ZC3H12B: variants seen among roughly 807,000 people sequenced by gnomAD.
ZC3H12B encodes the protein zinc finger CCCH-type containing 12B.
In ZC3H12B, 7 loss-of-function variants were observed where a neutral mutation model predicts 43.9. The observed-to-expected ratio is 0.16, with a 90% CI of 0.09 to 0.30. The LOEUF (loss-of-function observed/expected upper bound fraction) is 0.30, where lower values mean the gene tolerates loss of function less well. ZC3H12B is among the 10% of genes least tolerant of loss of function. The probability of loss-of-function intolerance (pLI) is 1.00; values close to 1 mark genes in which losing one functional copy is unlikely to be tolerated. For missense variants in ZC3H12B, 475 were observed against 670.2 expected (o/e 0.71, Z 3.22); for synonymous variants, 222 against 241.7 (o/e 0.92, Z 0.76).
the ZC3H12B span, among the ~76,000 whole-genome samples, chrX:65,240,248 AT>A: frequency 9.0e-6 from 1 of 110,932 alleles, no homozygotes; most frequent in African/African-American, 3.3e-5. Flanking sequence ...ATAGTCCCAT[AT>A]TTTTTGGAGG....
At chrX:65,162,666 G>A in the ZC3H12B span, among the ~76,000 whole-genome samples, 4 of 111,253 alleles carry the variant, frequency 3.6e-5, no homozygotes, top group Non-Finnish European at 5.7e-5. Context: ...TTATACATTC[G>A]TCTAAATTTT....
At chrX:65,187,655 CTT>C in the ZC3H12B span, among the ~76,000 whole-genome samples, 213 of 96,080 alleles carry the variant, frequency 2.2e-3, 1 homozygote, top group African/African-American at 7.5e-3. Context: ...ATTGATTTTA[CTT>C]TTTTTTTTTT....
the ZC3H12B span, among the ~76,000 whole-genome samples, chrX:65,183,941 G>A: frequency 2.3e-3 from 254 of 111,330 alleles, 2 homozygotes; most frequent in African/African-American, 7.7e-3. Flanking sequence ...GGGTAAATGA[G>A]GGTGGTGTGT....
chrX:65,456,338 TA>T (rs1254946660), intron 3 of ZC3H12B, among the ~76,000 whole-genome samples: 3 of 107,535 alleles, frequency 2.8e-5, no homozygotes, highest in Non-Finnish European at 5.8e-5. Flanking sequence ...CCTAGTCTGA[TA>T]AAACAGACTT....
At chrX:65,123,557 G>A in the ZC3H12B span, among the ~76,000 whole-genome samples, 12 of 110,194 alleles carry the variant, frequency 1.1e-4, no homozygotes, top group East Asian at 3.4e-3. Flanking sequence ...TGAATTTGTA[G>A]AATGCTTTTG....
chrX:65,452,699 G>A (rs1282807680), intron 3 of ZC3H12B, among the ~76,000 whole-genome samples: 1 of 111,007 alleles, frequency 9.0e-6, no homozygotes, highest in Non-Finnish European at 1.9e-5. Flanking sequence ...AAATTTGCCA[G>A]GCGTAGTGGT....
intron 2 of ZC3H12B, among the ~76,000 whole-genome samples, chrX:65,371,052 C>T (rs1210309875): frequency 9.0e-6 from 1 of 111,410 alleles, no homozygotes; most frequent in Non-Finnish European, 1.9e-5. Context: ...AGGTCTATTC[C>T]AACATTGATA....
At chrX:65,448,889 G>A (rs868230047) in intron 3 of ZC3H12B, among the ~76,000 whole-genome samples, 1 of 90,448 alleles carries the variant, frequency 1.1e-5, no homozygotes, top group African/African-American at 4.9e-5. Context: ...AATAAATAAA[G>A]AAAGAAAGAG....
At chrX:65,131,404 T>C in the ZC3H12B span, among the ~76,000 whole-genome samples, 1 of 111,412 alleles carries the variant, frequency 9.0e-6, no homozygotes, top group Non-Finnish European at 1.9e-5. Flanking sequence ...TTAAGTTGTT[T>C]GGACAGAAAG....
At chrX:65,139,382 G>A in the ZC3H12B span, among the ~76,000 whole-genome samples, 2 of 111,584 alleles carry the variant, frequency 1.8e-5, no homozygotes, top group African/African-American at 6.5e-5. Flanking sequence ...TACCTTTATG[G>A]GAAACTATTT....
At chrX:65,132,825 C>G in the ZC3H12B span, among the ~76,000 whole-genome samples, 1 of 110,839 alleles carries the variant, frequency 9.0e-6, no homozygotes, top group African/African-American at 3.3e-5. Flanking sequence ...GACGGACTTA[C>G]CCTCCACTGT....
the ZC3H12B span, among the ~76,000 whole-genome samples, chrX:65,040,836 G>A: frequency 1.8e-5 from 2 of 111,629 alleles, no homozygotes; most frequent in Non-Finnish European, 3.8e-5. Flanking sequence ...CCAGGCTGGA[G>A]TGCAGTGCCA....
the ZC3H12B span, among the ~76,000 whole-genome samples, chrX:65,068,399 G>T: frequency 1.8e-5 from 2 of 109,507 alleles, no homozygotes; most frequent in African/African-American, 3.3e-5. Context: ...TTGGTTTGAG[G>T]TTACAATGAG....
intron 3 of ZC3H12B, among the ~76,000 whole-genome samples, chrX:65,449,403 G>A (rs1383779782): frequency 9.0e-6 from 1 of 111,556 alleles, no homozygotes; most frequent in East Asian, 2.8e-4. Flanking sequence ...CGGATCACCT[G>A]AGGTCAGGGA....
chrX:65,409,931 A>G (rs1185798077), intron 3 of ZC3H12B, among the ~76,000 whole-genome samples: 4 of 111,004 alleles, frequency 3.6e-5, no homozygotes, highest in Non-Finnish European at 7.6e-5. Flanking sequence ...CAAAATGCCA[A>G]CAACATTATT....
chrX:65,052,197 A>C, the ZC3H12B span, among the ~76,000 whole-genome samples: 1 of 111,312 alleles, frequency 9.0e-6, no homozygotes, highest in Non-Finnish European at 1.9e-5. Flanking sequence ...TTGTGGGTAC[A>C]TAGTAGATAT....
At chrX:65,310,756 G>T in the ZC3H12B span, among the ~76,000 whole-genome samples, 1 of 111,613 alleles carries the variant, frequency 9.0e-6, no homozygotes. Flanking sequence ...ATACTACAAG[G>T]CTACAGTAAC....
At chrX:65,152,769 T>C in the ZC3H12B span, among the ~76,000 whole-genome samples, 9 of 111,583 alleles carry the variant, frequency 8.1e-5, no homozygotes, top group African/African-American at 1.6e-4. Context: ...GAGCCCGCAT[T>C]GCCAAGTCAA....
At chrX:65,164,167 G>A in the ZC3H12B span, among the ~76,000 whole-genome samples, 1 of 111,442 alleles carries the variant, frequency 9.0e-6, no homozygotes, top group Non-Finnish European at 1.9e-5. Context: ...TTGGAGGCTA[G>A]GGTTTTTCAA....
Sources: gnomAD v4.1 joint callset for allele counts (sites outside exome capture counted in the v4.1 genomes callset) on GRCh38, gnomAD v4.1.1 for gene constraint, MANE v1.5 for transcripts, NCBI Gene and HGNC (gene_info 2026-07-23, HGNC 2026-07-21) for gene names.